The following GABBR2 variants were observed in gnomAD, a reference collection of about 807,000 sequenced individuals.
GABBR2 encodes the protein gamma-aminobutyric acid type B receptor subunit 2.
In GABBR2, 23 loss-of-function variants were observed where a neutral mutation model predicts 105.6. That is an observed-to-expected ratio of 0.22 (90% confidence interval 0.16 to 0.31). The LOEUF (loss-of-function observed/expected upper bound fraction) is 0.31. Among genes scored for constraint, GABBR2 ranks in the 10% least tolerant of loss-of-function variants. The pLI, the probability that GABBR2 is intolerant of heterozygous loss-of-function variation, is 1.00. For synonymous variants in GABBR2, 478 were observed against 499.7 expected (o/e 0.96, Z 0.58); for missense variants, 734 against 1,245.5 (o/e 0.59, Z 6.18).
chr9:98,464,050 C>T (rs915615982), intron 6 of GABBR2, among the ~76,000 whole-genome samples: 97 of 152,296 alleles, frequency 6.4e-4, no homozygotes, highest in Non-Finnish European at 8.5e-4. Flanking sequence ...TCTGCCCGCC[C>T]GCCACCCCGT....
chr9:98,572,212 ACTCACATCACGACTAAAACAATATTAGC>A (rs1828842769), intron 2 of GABBR2, among the ~76,000 whole-genome samples: 1 of 152,186 alleles, frequency 6.6e-6, no homozygotes, highest in Admixed American at 6.5e-5. Context: ...TGGCTAAGTG[ACTCACATCACGACTAAAACAATATTAGC>A]CTCTCTATGC....
chr9:98,573,218 C>T (rs910148057), intron 2 of GABBR2, among the ~76,000 whole-genome samples: 1 of 152,192 alleles, frequency 6.6e-6, no homozygotes, highest in African/African-American at 2.4e-5. Flanking sequence ...GGAAGGGCTG[C>T]CCCCAAGAAG....
intron 2 of GABBR2, among the ~76,000 whole-genome samples, chr9:98,576,772 C>T (rs1268111662): frequency 6.6e-6 from 1 of 152,194 alleles, no homozygotes; most frequent in Non-Finnish European, 1.5e-5. Flanking sequence ...TAATTACTTA[C>T]TTGCTTCTTG....
intron 7 of GABBR2, among the ~76,000 whole-genome samples, chr9:98,451,983 T>C (rs1826239708): frequency 6.6e-6 from 1 of 152,220 alleles, no homozygotes; most frequent in African/African-American, 2.4e-5. Context: ...GAAATCCCTC[T>C]GGGCTCGGGC....
chr9:98,470,012 C>T (rs747320364), intron 6 of GABBR2, among the ~76,000 whole-genome samples: 3 of 152,172 alleles, frequency 2.0e-5, no homozygotes, highest in African/African-American at 4.8e-5. Context: ...GAAGGCTGTT[C>T]GGAGAAGTTG....
intron 13 of GABBR2, among the ~76,000 whole-genome samples, chr9:98,334,450 G>A (rs185706268): frequency 3.2e-4 from 49 of 152,300 alleles, no homozygotes; most frequent in African/African-American, 1.1e-3. Flanking sequence ...AGGCCAGTCA[G>A]GTCACCTACT....
intron 6 of GABBR2, among the ~76,000 whole-genome samples, chr9:98,466,752 G>A (rs937823769): frequency 6.6e-6 from 1 of 152,150 alleles, no homozygotes. Flanking sequence ...TTACTCTTAG[G>A]TTCAGCTGCA....
chr9:98,702,159 T>G (rs1160553976), intron 1 of GABBR2, among the ~76,000 whole-genome samples: 2 of 152,070 alleles, frequency 1.3e-5, no homozygotes, highest in Non-Finnish European at 2.9e-5. Flanking sequence ...CTCCTGACCC[T>G]AGGGCCAGGG....
intron 10 of GABBR2, 38 bp from the exon 11 acceptor site, chr9:98,385,810 T>C: frequency 6.5e-7 from 1 of 1,549,438 alleles, no homozygotes; most frequent in Non-Finnish European, 8.9e-7. Flanking sequence ...AACAGAATGG[T>C]TAATTTAGTT....
At chr9:98,575,746 G>A (rs1355986014) in intron 2 of GABBR2, among the ~76,000 whole-genome samples, 1 of 152,210 alleles carries the variant, frequency 6.6e-6, no homozygotes, top group African/African-American at 2.4e-5. Context: ...GCTTTCAGGT[G>A]TGTGGTTAGG....
intron 1 of GABBR2, among the ~76,000 whole-genome samples, chr9:98,586,284 C>CTTTTTTTTTTT (rs569530376): frequency 4.6e-4 from 60 of 130,984 alleles, no homozygotes; most frequent in Non-Finnish European, 6.6e-4. Context: ...TCTTTTCTTT[C>CTTTTTTTTTTT]TTTTTTTTTT....
rs753673862 is a variant in GABBR2, at chr9:98,708,498, G to C, written c.240C>G (p.Ala80=). 1 of 1,596,186 alleles carries C rather than the reference G, an allele frequency of 6.3e-7. No homozygotes were observed. ...KGSIGRGVLP[A]VELAIEQIRN... ...GGATCTGCTCGATGGCCAGTTCCAC[G>C]GCGGGGAGCACACCGCGCCCGATGC... Residue 80 remains alanine, a synonymous_variant, in exon 1 of 19, where the codon GCC becomes GCG. Coordinates refer to ENST00000259455, the MANE Select transcript of GABBR2 (RefSeq NM_005458.8).
chr9:98,440,665 A>T (rs191570170), intron 7 of GABBR2, among the ~76,000 whole-genome samples: 64 of 152,356 alleles, frequency 4.2e-4, no homozygotes, highest in Middle Eastern at 3.4e-3. Flanking sequence ...AGTGGCATGA[A>T]ATTTCATGAG....
rs536475749 is a variant in GABBR2 at position 98,511,108 on chromosome 9, A to C, written c.631-14594T>G. ...AACTCAGGATTAAGAAACTCACTCA[A>C]AACTGCACAACTACATGGAAACTGA... On this transcript the variant is annotated intron_variant, in intron 3 of 18. Transcript: ENST00000259455. Among the ~76,000 whole-genome samples the C allele has an allele frequency of 7.2e-5, 11 of 152,346 alleles. No homozygotes were observed. The South Asian group carries it at 2.3e-3, about 32-fold the overall frequency.
intron 5 of GABBR2, among the ~76,000 whole-genome samples, chr9:98,480,521 A>C (rs375792445): frequency 6.6e-6 from 1 of 152,316 alleles, no homozygotes; most frequent in Admixed American, 6.5e-5. Flanking sequence ...GTCATCTGTC[A>C]CTAGACAGCT....
chr9:98,493,742 CTGAG>C (rs1319889965), intron 4 of GABBR2, among the ~76,000 whole-genome samples: 2 of 152,124 alleles, frequency 1.3e-5, no homozygotes, highest in African/African-American at 4.8e-5. Context: ...CCCGTTGTTC[CTGAG>C]TATTATGTCC....
intron 1 of GABBR2, among the ~76,000 whole-genome samples, chr9:98,669,770 GGATGCAGAACA>G (rs1378559151): frequency 2.6e-5 from 4 of 152,084 alleles, no homozygotes; most frequent in African/African-American, 9.7e-5. Context: ...CTGGGATTGA[GGATGCAGAACA>G]GACTAGGGGC....
chr9:98,506,748 A>C (rs985274312), intron 3 of GABBR2, among the ~76,000 whole-genome samples: 1 of 152,162 alleles, frequency 6.6e-6, no homozygotes, highest in South Asian at 2.1e-4. Flanking sequence ...CTGTGACCTG[A>C]GACCTGCCCA....
intron 8 of GABBR2, among the ~76,000 whole-genome samples, chr9:98,397,410 A>ATTT (rs139850810): frequency 5.3e-5 from 8 of 150,844 alleles, no homozygotes; most frequent in African/African-American, 7.3e-5. Context: ...AGATACAGAG[A>ATTT]TTTTTTTTTT....
Sources: gnomAD v4.1 joint callset for allele counts (sites outside exome capture counted in the v4.1 genomes callset) on GRCh38, gnomAD v4.1.1 for gene constraint, MANE v1.5 for transcripts, NCBI Gene and HGNC (gene_info 2026-07-23, HGNC 2026-07-21) for gene names.